The following GRIA2 variants were observed in gnomAD, a reference collection of about 807,000 sequenced individuals.
The protein encoded by GRIA2 is glutamate ionotropic receptor AMPA type subunit 2.
A neutral mutation model predicts 97.3 loss-of-function variants in GRIA2; 14 were observed. The observed-to-expected ratio is 0.14, with a 90% CI of 0.10 to 0.23. The LOEUF (loss-of-function observed/expected upper bound fraction) is 0.23. GRIA2 is among the 10% of genes least tolerant of loss of function. The pLI, the probability that GRIA2 is intolerant of heterozygous loss-of-function variation, is 1.00. For missense variants in GRIA2, 558 were observed against 1,069.8 expected, an observed-to-expected ratio of 0.52 and a Z score of 6.67; for synonymous variants, 412 against 387.8, an observed-to-expected ratio of 1.06 and a Z score of -0.73.
chr4:157,319,266 C>T (rs1553955400), intron 5 of GRIA2, among the ~76,000 whole-genome samples: 1 of 152,130 alleles, frequency 6.6e-6, no homozygotes, highest in Non-Finnish European at 1.5e-5. Flanking sequence ...CACAGAGCCA[C>T]ATTGAAAGCT....
chr4:157,289,755 CACAA>C (rs1298355867), intron 2 of GRIA2, among the ~76,000 whole-genome samples: 1 of 151,648 alleles, frequency 6.6e-6, no homozygotes, highest in African/African-American at 2.4e-5. Context: ...GACACACATA[CACAA>C]ACACTCTACA....
chr4:157,312,756 A>C lies in GRIA2; in HGVS notation c.547A>C (p.Ile183Leu), dbSNP rs150642582. 6.2e-7 allele frequency: 1 copy of C among 1,609,930 alleles called. No individual in the cohort carries two copies. The highest frequency in any genetic ancestry group is 1.3e-5 in the African/African-American group (1 of 74,926). ...WQVTAINVGN[I>L]NNDKKDEMYR... ...AGTGACTGCTATCAATGTGGGAAACATTAACAATGACAAGAAAGATGAGAT... is the reference window on the plus strand; with the variant it reads ...AGTGACTGCTATCAATGTGGGAAACCTTAACAATGACAAGAAAGATGAGAT... The change falls in exon 4 of 16, where the codon ATT becomes CTT. Residue 183 changes from isoleucine (I) to leucine (L), a missense_variant. Ile to Leu is a conservative substitution (Grantham distance 5). Around this residue, in one of 8 missense-constraint regions of GRIA2, gnomAD observed 173 missense variants for 209.1 expected, o/e 0.83. Transcript: ENST00000264426.
At chr4:157,316,901 C>T (rs958314044) in intron 4 of GRIA2, among the ~76,000 whole-genome samples, 1 of 152,170 alleles carries the variant, frequency 6.6e-6, no homozygotes, top group Admixed American at 6.5e-5. Flanking sequence ...CTACTCTCTT[C>T]GTAATTGATA....
At chr4:157,234,204 A>G (rs566022998) in intron 2 of GRIA2, among the ~76,000 whole-genome samples, 1 of 152,184 alleles carries the variant, frequency 6.6e-6, no homozygotes, top group Non-Finnish European at 1.5e-5. Flanking sequence ...TAATATAGTG[A>G]TTAATACTGC....
chr4:157,231,903 A>G (rs1315376374), intron 2 of GRIA2, among the ~76,000 whole-genome samples: 1 of 152,198 alleles, frequency 6.6e-6, no homozygotes, highest in Non-Finnish European at 1.5e-5. Context: ...ACAATTCTAC[A>G]TGTGTTTAAA....
chr4:157,356,111 TTATTTATATA>T lies in GRIA2; in HGVS notation c.2044-3763_2044-3754del, dbSNP rs1465735422. ...TATATATTTATATATTTATATTTAT[TTATTTATATA>T]TATTTATATATATTTATATATTTAT... On this transcript the variant is annotated intron_variant, in intron 12 of 15. Transcript: ENST00000264426. Among the ~76,000 whole-genome samples the T allele has an allele frequency of 2.3e-3, 283 of 123,114 alleles. 1 individual carries two copies. Among genetic ancestry groups the T allele is most frequent in the Non-Finnish European group, 3.2e-3 (193 of 60,830 alleles). The allele number at this position is 123,114 out of a possible 152,430, so 80.8% of individuals were successfully genotyped here.
chr4:157,268,626 C>T (rs1236222865), intron 2 of GRIA2, among the ~76,000 whole-genome samples: 1 of 151,706 alleles, frequency 6.6e-6, no homozygotes, highest in Non-Finnish European at 1.5e-5. Flanking sequence ...ATATAAATAA[C>T]TAAGGAAAGG....
chr4:157,242,949 C>T (rs1314480665), intron 2 of GRIA2, among the ~76,000 whole-genome samples: 5 of 152,052 alleles, frequency 3.3e-5, no homozygotes, highest in Non-Finnish European at 7.4e-5. Flanking sequence ...TGCTAGACAG[C>T]AATTCCTATC....
At chr4:157,222,458 C>G (rs1012948758) in intron 2 of GRIA2, among the ~76,000 whole-genome samples, 1 of 149,296 alleles carries the variant, frequency 6.7e-6, no homozygotes, top group African/African-American at 2.4e-5. Flanking sequence ...AGGCTCAGGC[C>G]GGCCGGGTGG....
intron 2 of GRIA2, among the ~76,000 whole-genome samples, chr4:157,232,328 C>T (rs1730056017): frequency 6.6e-6 from 1 of 152,108 alleles, no homozygotes; most frequent in Non-Finnish European, 1.5e-5. Flanking sequence ...GTGGAGCTCT[C>T]TATAAGGGTG....
At chr4:157,247,225 A>G (rs1342317266) in intron 2 of GRIA2, among the ~76,000 whole-genome samples, 1 of 152,206 alleles carries the variant, frequency 6.6e-6, no homozygotes, top group African/African-American at 2.4e-5. Context: ...CAGATTCATC[A>G]TCTCCCAACA....
At chr4:157,311,075 T>A (rs1033920166) in intron 3 of GRIA2, among the ~76,000 whole-genome samples, 1 of 152,046 alleles carries the variant, frequency 6.6e-6, no homozygotes, top group Non-Finnish European at 1.5e-5. Context: ...ATGGTGATAA[T>A]TTCAAATATA....
At chr4:157,345,745 G>C (rs1735737835) in intron 12 of GRIA2, among the ~76,000 whole-genome samples, 2 of 152,170 alleles carry the variant, frequency 1.3e-5, no homozygotes, top group Middle Eastern at 3.4e-3. Flanking sequence ...ACTGCAATCT[G>C]TTCCTTCTGG....
At chr4:157,311,646 T>G (rs935873459) in intron 3 of GRIA2, among the ~76,000 whole-genome samples, 1 of 152,018 alleles carries the variant, frequency 6.6e-6, no homozygotes, top group Admixed American at 6.6e-5. Flanking sequence ...ATTTTATTAA[T>G]CAAAAGGGAC....
At chr4:157,244,004 G>T (rs932592669) in intron 2 of GRIA2, among the ~76,000 whole-genome samples, 1 of 152,022 alleles carries the variant, frequency 6.6e-6, no homozygotes, top group African/African-American at 2.4e-5. Context: ...GCATGATGGA[G>T]GAACTAGTTG....
intron 2 of GRIA2, among the ~76,000 whole-genome samples, chr4:157,267,826 T>C (rs1731841158): frequency 6.6e-6 from 1 of 152,114 alleles, no homozygotes; most frequent in South Asian, 2.1e-4. Flanking sequence ...CTTTGAAATT[T>C]TAGGACTGAA....
intron 2 of GRIA2, among the ~76,000 whole-genome samples, chr4:157,292,757 A>C (rs1733161913): frequency 6.6e-6 from 1 of 152,114 alleles, no homozygotes; most frequent in African/African-American, 2.4e-5. Context: ...CCTGTTTATC[A>C]GTGAGGTGGC....
At chr4:157,244,232 A>G (rs1358018938) in intron 2 of GRIA2, among the ~76,000 whole-genome samples, 1 of 152,000 alleles carries the variant, frequency 6.6e-6, no homozygotes, top group Non-Finnish European at 1.5e-5. Flanking sequence ...AGAGGGAGCA[A>G]AAGGGTGGGC....
intron 4 of GRIA2, among the ~76,000 whole-genome samples, 178 bp from the exon 5 acceptor site, chr4:157,317,480 T>C (rs1734374185): frequency 6.6e-6 from 1 of 152,152 alleles, no homozygotes; most frequent in Non-Finnish European, 1.5e-5. Flanking sequence ...TTACTTTTTA[T>C]GAGAGAAATA....
Sources: allele counts gnomAD v4.1 joint callset (sites outside exome capture counted in the v4.1 genomes callset), GRCh38; gene constraint gnomAD v4.1.1; regional missense constraint gnomAD v4.1.1; transcripts MANE v1.5; gene names NCBI Gene and HGNC (gene_info 2026-07-23, HGNC 2026-07-21).